SAMD4A: variants seen among roughly 807,000 people sequenced by gnomAD.
SAMD4A encodes the protein sterile alpha motif domain containing 4A, also known as protein Smaug homolog 1.
Under a neutral mutation model 81.3 loss-of-function variants are expected in SAMD4A, and 33 were observed. The ratio of observed to expected loss-of-function variants is 0.41; its 90% confidence interval spans 0.31 to 0.54. SAMD4A has a LOEUF of 0.54. Ranked by LOEUF, SAMD4A falls within the 20% of genes least tolerant of loss-of-function variation. The probability of loss-of-function intolerance (pLI) is 0.37; values close to 1 mark genes in which losing one functional copy is unlikely to be tolerated. For synonymous variants in SAMD4A, 389 were observed against 382.1 expected, an observed-to-expected ratio of 1.02 and a Z score of -0.21; for missense variants, 854 against 951.1, an observed-to-expected ratio of 0.90 and a Z score of 1.34.
chr14:54,664,468 G>A (rs191704967), intron 2 of SAMD4A, among the ~76,000 whole-genome samples: 102 of 152,272 alleles, frequency 6.7e-4, no homozygotes, highest in Admixed American at 1.4e-3. Flanking sequence ...TGAGGAGCGC[G>A]CAGACACACA....
At chr14:54,732,963 A>C (rs1283538393) in intron 3 of SAMD4A, among the ~76,000 whole-genome samples, 1 of 152,262 alleles carries the variant, frequency 6.6e-6, no homozygotes, top group Non-Finnish European at 1.5e-5. Context: ...AATGGGAAAG[A>C]AATCTGAATC....
At chr14:54,637,236 A>AAG (rs2035054726) in intron 2 of SAMD4A, among the ~76,000 whole-genome samples, 1 of 151,182 alleles carries the variant, frequency 6.6e-6, no homozygotes, top group African/African-American at 2.4e-5. Context: ...ATGGTGGCGG[A>AAG]CACCTGTAAT....
In SAMD4A at chr14:54,775,129, A is replaced by C; in HGVS notation, c.1911A>C (p.Gly637=). 6.2e-7 allele frequency: 1 copy of C among 1,614,192 alleles called. No individual in the cohort carries two copies. Among genetic ancestry groups the C allele is most frequent in the South Asian group, 1.1e-5 (1 of 91,084 alleles). Residue 637 remains glycine (G), a synonymous_variant, in exon 10 of 13, where the codon GGA becomes GGC. Transcript: ENST00000554335. ...TTATPTIMKQ[G]RQNLWFANPG... ...CTACCCCCACCATCATGAAACAAGG[A>C]AGACAGGTTTGTTCTGCCCCAAGGA...
At chr14:54,763,145 G>A (rs1472901400) in intron 7 of SAMD4A, among the ~76,000 whole-genome samples, 1 of 151,668 alleles carries the variant, frequency 6.6e-6, no homozygotes, top group Non-Finnish European at 1.5e-5. Context: ...ATGAGCCACC[G>A]CGCCCAGCCG....
chr14:54,664,847 A>ACAC (rs2035722981), intron 2 of SAMD4A, among the ~76,000 whole-genome samples: 1 of 150,908 alleles, frequency 6.6e-6, no homozygotes, highest in African/African-American at 2.4e-5. Flanking sequence ...ACACACACAC[A>ACAC]CACTTCCTTA....
intron 2 of SAMD4A, among the ~76,000 whole-genome samples, chr14:54,607,661 A>G (rs1260742734): frequency 1.3e-5 from 2 of 151,594 alleles, no homozygotes; most frequent in East Asian, 2.0e-4. Context: ...TCACCGTGTT[A>G]GCCAGGATGG....
intron 3 of SAMD4A, among the ~76,000 whole-genome samples, chr14:54,733,917 G>A (rs2037623949): frequency 2.0e-5 from 3 of 151,990 alleles, no homozygotes; most frequent in Non-Finnish European, 4.4e-5. Flanking sequence ...AAAGGGGAGG[G>A]GCTGGGGATG....
chr14:54,677,046 G>A (rs2036008542), intron 2 of SAMD4A, among the ~76,000 whole-genome samples: 1 of 152,194 alleles, frequency 6.6e-6, no homozygotes. Flanking sequence ...CCGTCGTTTA[G>A]TTATCTAACT....
upstream of SAMD4A, among the ~76,000 whole-genome samples, chr14:54,565,674 C>G (rs879372281): frequency 6.6e-6 from 1 of 152,032 alleles, no homozygotes; most frequent in African/African-American, 2.4e-5. This position sits in a 1 kb window ranked among gnomAD's most constrained non-coding sequence, Gnocchi z 5.4. Context: ...GCCGAGCGGA[C>G]GAACCACATT....
At chr14:54,765,361 A>G (rs1249363553) in intron 8 of SAMD4A, among the ~76,000 whole-genome samples, 1 of 151,310 alleles carries the variant, frequency 6.6e-6, no homozygotes, top group Non-Finnish European at 1.5e-5. Flanking sequence ...GGTGGGTCAC[A>G]CCTGTAATCC....
At chr14:54,680,101 T>C (rs2036095047) in intron 2 of SAMD4A, among the ~76,000 whole-genome samples, 1 of 152,234 alleles carries the variant, frequency 6.6e-6, no homozygotes, top group Non-Finnish European at 1.5e-5. Flanking sequence ...ATTTATTCCC[T>C]TGTTGTGTCT....
chr14:54,586,445 A>T (rs1482904185), intron 2 of SAMD4A, among the ~76,000 whole-genome samples: 1 of 151,970 alleles, frequency 6.6e-6, no homozygotes, highest in Non-Finnish European at 1.5e-5. Flanking sequence ...AGTCCCATCT[A>T]TTTATCTTTG....
At chr14:54,680,890 G>A (rs971262256) in intron 2 of SAMD4A, among the ~76,000 whole-genome samples, 10 of 152,248 alleles carry the variant, frequency 6.6e-5, no homozygotes, top group African/African-American at 1.4e-4. Flanking sequence ...CCCTGCCAGC[G>A]GAGCCAGAGA....
rs547300871 is a variant in SAMD4A, at chr14:54,774,049, A to G, written c.1716-885A>G. On this transcript the variant is annotated intron_variant, in intron 9 of 12. Coordinates refer to ENST00000554335, the MANE Select transcript of SAMD4A (RefSeq NM_015589.6). ...ACCCTGACTCTGCTGTTTTCTTGCT[A>G]TGTGGCCTCTCAAAAGCATGTGAGT... Among the ~76,000 whole-genome samples the G allele has an allele frequency of 3.3e-5, 5 of 152,338 alleles. No individual in the cohort carries two copies. In the South Asian group the frequency reaches 6.2e-4, roughly 19 times the overall value.
chr14:54,699,566 G>A (rs1009620460), intron 2 of SAMD4A, among the ~76,000 whole-genome samples: 2 of 152,082 alleles, frequency 1.3e-5, no homozygotes, highest in African/African-American at 4.8e-5. Flanking sequence ...ACTTTTAAAA[G>A]ATTTTTAAGA....
At chr14:54,658,167 C>T (rs2035566562) in intron 2 of SAMD4A, among the ~76,000 whole-genome samples, 1 of 152,072 alleles carries the variant, frequency 6.6e-6, no homozygotes, top group African/African-American at 2.4e-5. Context: ...AAAAATTAGC[C>T]AGGTGTGGTG....
intron 2 of SAMD4A, among the ~76,000 whole-genome samples, chr14:54,686,661 C>T (rs1471992648): frequency 6.6e-6 from 1 of 151,668 alleles, no homozygotes; most frequent in African/African-American, 2.4e-5. Context: ...AAAACGGATG[C>T]TTTATTTTGC....
intron 6 of SAMD4A, among the ~76,000 whole-genome samples, chr14:54,753,194 G>A (rs965356716): frequency 2.6e-5 from 4 of 151,942 alleles, no homozygotes; most frequent in Admixed American, 2.0e-4. Context: ...GCTGGGGGAC[G>A]GTCAGGTCTT....
intron 3 of SAMD4A, among the ~76,000 whole-genome samples, chr14:54,705,658 C>T (rs752712762): frequency 3.9e-5 from 6 of 152,174 alleles, no homozygotes; most frequent in Non-Finnish European, 7.3e-5. Flanking sequence ...CAACAGAATG[C>T]CTTAGCATTC....
Sources: gnomAD v4.1 joint callset for allele counts (sites outside exome capture counted in the v4.1 genomes callset) on GRCh38, gnomAD v4.1.1 for gene constraint, Gnocchi (gnomAD v3.1) non-coding constraint, MANE v1.5 for transcripts, NCBI Gene and HGNC (gene_info 2026-07-23, HGNC 2026-07-21) for gene names.